The following FKBP8 variants were observed in gnomAD, a reference collection of about 807,000 sequenced individuals.
FKBP8 encodes the protein FKBP prolyl isomerase 8, also known as peptidyl-prolyl cis-trans isomerase FKBP8.
In FKBP8, 5 loss-of-function variants were observed where a neutral mutation model predicts 41.7. The ratio of observed to expected loss-of-function variants is 0.12; its 90% CI spans 0.06 to 0.25. The LOEUF is 0.25. Ranked by LOEUF, FKBP8 falls within the 10% of genes least tolerant of loss-of-function variation. The probability of loss-of-function intolerance (pLI) is 1.00; values close to 1 mark genes in which losing one functional copy is unlikely to be tolerated. For missense variants in FKBP8, 397 were observed against 563.0 expected, an observed-to-expected ratio of 0.71 and a Z score of 2.98; for synonymous variants, 279 against 254.5, an observed-to-expected ratio of 1.10 and a Z score of -0.92.
At chr19:18,532,954 C>T (rs1976483338) in intron 7 of FKBP8, 159 bp from the exon 8 acceptor site, 22 of 1,224,244 alleles carry the variant, frequency 1.8e-5, no homozygotes, top group Non-Finnish European at 2.4e-5. Flanking sequence ...GGCTGCTGAC[C>T]CCATCCCTCC....
chr19:18,539,664 G>A lies in FKBP8; in HGVS notation c.349C>T (p.Pro117Ser). The A allele has an allele frequency of 6.2e-7, 1 of 1,611,666 alleles. No homozygotes were observed. Among genetic ancestry groups the A allele is most frequent in the Non-Finnish European group, 8.5e-7 (1 of 1,180,024 alleles). ...LVPGPPGSSRPVKGQVVTVHL... is the reference protein window; with the variant it reads ...LVPGPPGSSRSVKGQVVTVHL... ...ACGGTGACCACCTGGCCCTTGACCG[G>A]GCGGCTCGAACCTGGCGGCCCTGGG... Residue 117 changes from proline (P) to serine (S), a missense_variant, in exon 3 of 9, where the codon CCG becomes TCG. Transcript: ENST00000608443.
chr19:18,541,532 T>A (rs550050727), intron 2 of FKBP8, 147 bp downstream of exon 2: 21 of 1,121,446 alleles, frequency 1.9e-5, no homozygotes, highest in Admixed American at 5.6e-5. Context: ...AGTACATCAA[T>A]GTGAAGCATC....
intron 4 of FKBP8, 133 bp downstream of exon 4, chr19:18,539,238 T>C (rs1976646969): frequency 1.3e-6 from 1 of 793,628 alleles, no homozygotes; most frequent in Admixed American, 2.3e-5. Context: ...GGATTTCAGG[T>C]GTGAGCCACC....
In FKBP8 at chr19:18,538,074, G is replaced by T; in HGVS notation, c.772+142C>A. The T allele has an allele frequency of 1.1e-6, 1 of 918,690 alleles. No individual in the cohort carries two copies. The highest frequency in any genetic ancestry group is 1.7e-6 in the Non-Finnish European group (1 of 598,960). The allele number at this position is 918,690 out of a possible 1,614,324, so 56.9% of individuals were successfully genotyped here. A position where few individuals can be genotyped will look rare whatever the true frequency, so the allele number is the denominator to read the frequency against. ...TACCACGAGTCTGTAACAGGCCCTAGCTTAGGGGCAGTTGGGGATCTACCC... is the reference window on the plus strand; with the variant it reads ...TACCACGAGTCTGTAACAGGCCCTATCTTAGGGGCAGTTGGGGATCTACCC... On this transcript the variant is annotated intron_variant, in intron 5 of 8. Transcript: ENST00000608443. This position sits in a 1 kb window ranked among gnomAD's most constrained non-coding sequence, Gnocchi z 4.0.
rs1976618609 is a variant in FKBP8 at position 18,538,008 on chromosome 19, A to AT, written c.772+207dup. On this transcript the variant is annotated intron_variant, in intron 5 of 8. Coordinates refer to ENST00000608443, the MANE Select transcript of FKBP8 (RefSeq NM_012181.5). This position sits in a 1 kb window ranked among gnomAD's most constrained non-coding sequence, Gnocchi z 4.0. ...CCCTGTCTATGGTCACCCCATCCCC[A>AT]TATCCACTTGCATTCTACAACACTC... 4.4e-6 allele frequency: 3 copies of AT among 677,254 alleles called. No homozygotes were observed. Among genetic ancestry groups the AT allele is most frequent in the Non-Finnish European group, 7.4e-6 (3 of 404,890 alleles). 42.0% of individuals were successfully genotyped at this position (677,254 alleles called of 1,614,324 possible). A position where few individuals can be genotyped will look rare whatever the true frequency, so the allele number is the denominator to read the frequency against.
At chr19:18,536,490 G>A (rs1045476255) in intron 6 of FKBP8, among the ~76,000 whole-genome samples, 4 of 152,268 alleles carry the variant, frequency 2.6e-5, no homozygotes, top group South Asian at 2.1e-4. Flanking sequence ...CAACTGGGAC[G>A]ACAGGCCCGC....
intron 2 of FKBP8, 22 bp downstream of exon 2, chr19:18,541,657 C>G: frequency 6.3e-7 from 1 of 1,580,232 alleles, no homozygotes; most frequent in Non-Finnish European, 8.6e-7. Context: ...CAAGGGCACC[C>G]TGATCCACCT....
At chr19:18,533,743 A>G (rs1976503403) in intron 6 of FKBP8, among the ~76,000 whole-genome samples, 1 of 151,596 alleles carries the variant, frequency 6.6e-6, no homozygotes, top group Non-Finnish European at 1.5e-5. Context: ...GCAGTGGCTC[A>G]TGCCTGTAAT....
chr19:18,542,635 C>G (rs750902360), intron 1 of FKBP8: 3 of 262,466 alleles, frequency 1.1e-5, no homozygotes, highest in African/African-American at 7.1e-5. Context: ...CTATCCCCCA[C>G]AACCCCAACA....
At chr19:18,532,617 A>G (rs1976474742) in intron 8 of FKBP8, 47 bp downstream of exon 8, 1 of 1,599,774 alleles carries the variant, frequency 6.3e-7, no homozygotes, top group Non-Finnish European at 8.5e-7. Context: ...TCCCTCTGCT[A>G]GGCGTGCCCT....
At chr19:18,533,698 T>C (rs1344730672) in intron 6 of FKBP8, among the ~76,000 whole-genome samples, 2 of 146,734 alleles carry the variant, frequency 1.4e-5, no homozygotes, top group Non-Finnish European at 3.0e-5. Flanking sequence ...AGTGCAACCC[T>C]GTCTTAAAAA....
Position 18,541,908 on chromosome 19 carries a change from G to A in FKBP8, c.63C>T (p.Leu21=), listed in dbSNP as rs373061427. ...SAPLPAGVPP[L]EDFEVLDGVE... ...CCCCATCCAGTACCTCGAAGTCCTC[G>A]AGCGGTGGGACCCCGGCGGGCAGTG... Residue 21 remains leucine (L), a synonymous_variant, in exon 2 of 9, where the codon CTC becomes CTT. Coordinates refer to ENST00000608443, the MANE Select transcript of FKBP8 (RefSeq NM_012181.5). 4.1e-5 allele frequency: 66 copies of A among 1,613,992 alleles called. 1 individual carries two copies. Among genetic ancestry groups the A allele is most frequent in the South Asian group, 2.5e-4 (23 of 91,066 alleles).
At position 18,541,798 on chromosome 19, in the gene FKBP8, A is replaced by G. The variant is rs1190477085; in HGVS notation, c.173T>C (p.Met58Thr). Residue 58 changes from methionine to threonine, a missense_variant, in exon 2 of 9, where the codon ATG becomes ACG. Transcript: ENST00000608443. ...AGCCTCCTCCGCCGGGGGTTGTCCC[A>G]TGTCCTCCAGCGGTGGCAGCTCACT... ...DLSELPPLED[M>T]GQPPAEEAEQ... is the part of the protein sequence containing the mutation. 3 of 1,613,812 alleles carry G rather than the reference A, an allele frequency of 1.9e-6. No individual in the cohort carries two copies. The highest frequency in any genetic ancestry group is 1.7e-5 in the Admixed American group (1 of 59,970).
Position 18,537,809 on chromosome 19 carries a change from C to A in FKBP8, c.773-36G>T. 1 of 1,577,614 alleles carries A rather than the reference C, an allele frequency of 6.3e-7. No homozygotes were observed. The highest frequency in any genetic ancestry group is 8.6e-7 in the Non-Finnish European group (1 of 1,157,114). ...ACAGTGCCCGCCACGGCAGCCGTCACCATGCCACCAGACACCCCGGCACCC... is the reference window on the plus strand; with the variant it reads ...ACAGTGCCCGCCACGGCAGCCGTCAACATGCCACCAGACACCCCGGCACCC... On this transcript the variant is annotated intron_variant, in intron 5 of 8. Coordinates refer to ENST00000608443, the MANE Select transcript of FKBP8 (RefSeq NM_012181.5). This position sits in a 1 kb window ranked among gnomAD's most constrained non-coding sequence, Gnocchi z 4.4.
chr19:18,538,265 G>A lies in FKBP8; in HGVS notation c.723C>T (p.Ala241=), dbSNP rs777706608. Residue 241 remains alanine, a synonymous_variant, in exon 5 of 9, where the codon GCC becomes GCT. Coordinates refer to ENST00000608443, the MANE Select transcript of FKBP8 (RefSeq NM_012181.5). The surrounding 1 kb of genome is among the most constrained non-coding windows in gnomAD (Gnocchi z 4.0). Reference sequence around the variant, plus strand: ...TGATGGCGAGGTCGTAGGAGTTGGCGGCCAGGACGAAGTCCGCCCGCTGGT... The same window carrying A: ...TGATGGCGAGGTCGTAGGAGTTGGCAGCCAGGACGAAGTCCGCCCGCTGGT... The part of the protein sequence containing the change: ...AHYQRADFVL[A]ANSYDLAIKA... 6.8e-6 allele frequency: 11 copies of A among 1,613,246 alleles called. No individual in the cohort carries two copies. The highest frequency in any genetic ancestry group is 4.5e-5 in the East Asian group (2 of 44,856).
At chr19:18,533,104 G>T in intron 7 of FKBP8, 166 bp downstream of exon 7, 1 of 701,752 alleles carries the variant, frequency 1.4e-6, no homozygotes, top group Non-Finnish European at 2.3e-6. Context: ...TGCCTGTGTG[G>T]CCGTCATGAG....
chr19:18,543,465 C>G (rs1340885923), intron 1 of FKBP8, 21 bp downstream of exon 1: 2 of 149,572 alleles, frequency 1.3e-5, no homozygotes, highest in African/African-American at 4.9e-5. Context: ...CACGGCGCCC[C>G]CAGCACCCCA....
rs1166423267 is a variant in FKBP8, at chr19:18,537,025, G to A, written c.945+576C>T. On this transcript the variant is annotated intron_variant, in intron 6 of 8. Transcript: ENST00000608443. This position sits in a 1 kb window ranked among gnomAD's most constrained non-coding sequence, Gnocchi z 4.4. ...CTGAGGAAAACTGGGACCCATGGAGGTTCTATGGGAGGAGGTTTCAACACT... is the reference window on the plus strand; with the variant it reads ...CTGAGGAAAACTGGGACCCATGGAGATTCTATGGGAGGAGGTTTCAACACT... Among the ~76,000 whole-genome samples the A allele has an allele frequency of 1.3e-5, 2 of 152,246 alleles. No homozygotes were observed. The highest frequency in any genetic ancestry group is 3.9e-4 in the East Asian group (2 of 5,164).
chr19:18,536,955 G>C (rs933500420), intron 6 of FKBP8, among the ~76,000 whole-genome samples: 1 of 152,162 alleles, frequency 6.6e-6, no homozygotes, highest in African/African-American at 2.4e-5. Flanking sequence ...GGGAAGACCA[G>C]ACAACTCAAG....
Sources: gnomAD v4.1 joint callset for allele counts (sites outside exome capture counted in the v4.1 genomes callset) on GRCh38, gnomAD v4.1.1 for gene constraint, Gnocchi (gnomAD v3.1) non-coding constraint, MANE v1.5 for transcripts, NCBI Gene and HGNC (gene_info 2026-07-23, HGNC 2026-07-21) for gene names.